NPAS3: variants seen among roughly 807,000 people sequenced by gnomAD.
NPAS3 encodes the protein neuronal PAS domain protein 3, also known as neuronal PAS domain-containing protein 3.
Under a neutral mutation model 73.1 loss-of-function variants are expected in NPAS3, and 14 were observed. The observed-to-expected ratio is 0.19, with a 90% CI of 0.13 to 0.30. The LOEUF (loss-of-function observed/expected upper bound fraction) is 0.30. Ranked by LOEUF, NPAS3 falls within the 10% of genes least tolerant of loss-of-function variation. The pLI is 1.00. For missense variants in NPAS3, 1,096 were observed against 1,250.0 expected (o/e 0.88, Z 1.86); for synonymous variants, 620 against 541.5 (o/e 1.14, Z -2.01).
rs200956082 is a variant in NPAS3, at chr14:33,010,954, A to G, written c.51-44951A>G. On this transcript the variant is annotated intron_variant, in intron 1 of 11. Coordinates refer to ENST00000356141, the Ensembl canonical transcript of NPAS3. ...AACCTGTCTCAAAAAAAAAAAAAAA[A>G]AGAAAAGAAAAACATTGACATAAAT... 1.2e-3 allele frequency among the ~76,000 whole-genome samples: 110 copies of G among 94,646 alleles called. 5 individuals are homozygous for G. The East Asian group carries it at 0.025, about 21-fold the overall frequency. 62.1% of individuals were successfully genotyped at this position (94,646 alleles called of 152,430 possible).
intron 2 of NPAS3, among the ~76,000 whole-genome samples, chr14:33,197,667 C>A (rs1204527470): frequency 2.0e-5 from 3 of 152,232 alleles, no homozygotes; most frequent in African/African-American, 7.2e-5. Flanking sequence ...TTCCAAAACT[C>A]TTTTGCAAAC....
intron 2 of NPAS3, among the ~76,000 whole-genome samples, chr14:33,156,132 C>A (rs890395525): frequency 6.6e-6 from 1 of 151,858 alleles, no homozygotes; most frequent in Non-Finnish European, 1.5e-5. Flanking sequence ...GGTGTAGAAT[C>A]AAAAAACAAC....
At chr14:33,627,455 A>G (rs1172348187) in intron 5 of NPAS3, among the ~76,000 whole-genome samples, 1 of 152,202 alleles carries the variant, frequency 6.6e-6, no homozygotes, top group Non-Finnish European at 1.5e-5. Flanking sequence ...TTTAAGTTCT[A>G]TCAGTGATCT....
intron 5 of NPAS3, among the ~76,000 whole-genome samples, chr14:33,568,993 G>A (rs1223670267): frequency 6.6e-6 from 1 of 152,138 alleles, no homozygotes; most frequent in African/African-American, 2.4e-5. Flanking sequence ...GCATTTTTGT[G>A]TGAATATGTG....
chr14:33,540,651 C>T (rs1316258263), intron 4 of NPAS3, among the ~76,000 whole-genome samples: 2 of 152,066 alleles, frequency 1.3e-5, no homozygotes, highest in African/African-American at 4.8e-5. Flanking sequence ...AAAGAATGGG[C>T]ATGACAAGAG....
chr14:33,192,037 T>G (rs1222588777), intron 2 of NPAS3, among the ~76,000 whole-genome samples: 1 of 152,182 alleles, frequency 6.6e-6, no homozygotes, highest in East Asian at 1.9e-4. Flanking sequence ...TTCCACATCC[T>G]TTCTTCCCAG....
At chr14:33,207,888 C>T (rs941149917) in intron 2 of NPAS3, among the ~76,000 whole-genome samples, 7 of 152,110 alleles carry the variant, frequency 4.6e-5, no homozygotes, top group Admixed American at 2.0e-4. Context: ...TCTGTTCTGG[C>T]GGGCTTTTCT....
Position 33,121,138 on chromosome 14 carries a change from T to C in NPAS3, c.140+65144T>C, listed in dbSNP as rs539519027. Among the ~76,000 whole-genome samples, 6 of 152,242 alleles carry C rather than the reference T, an allele frequency of 3.9e-5. No individual in the cohort carries two copies. In the South Asian group the frequency reaches 1.2e-3, roughly 32 times the overall value. ...CTGACCCAAAATCAAGTCTGTCTTA[T>C]GCACACTGACCCAAAATCATACCAA... On this transcript the variant is annotated intron_variant, in intron 2 of 11. Transcript: ENST00000356141.
chr14:33,140,360 A>G (rs1213347515), intron 2 of NPAS3, among the ~76,000 whole-genome samples: 1 of 152,018 alleles, frequency 6.6e-6, no homozygotes, highest in East Asian at 1.9e-4. Flanking sequence ...AGTAGGGAAA[A>G]GAACACAGAA....
chr14:33,536,085 A>G (rs2054249816), intron 4 of NPAS3, among the ~76,000 whole-genome samples: 1 of 152,174 alleles, frequency 6.6e-6, no homozygotes, highest in Non-Finnish European at 1.5e-5. Context: ...ACTAGTGCTA[A>G]TAAGAGTTTG....
intron 2 of NPAS3, among the ~76,000 whole-genome samples, chr14:33,080,979 GGGAAGTAGGTTA>G (rs1467513954): frequency 1.3e-5 from 2 of 152,106 alleles, no homozygotes; most frequent in African/African-American, 4.8e-5. Flanking sequence ...AGTGTTATTT[GGGAAGTAGGTTA>G]GGTGATTTGG....
chr14:33,588,866 C>A (rs1037407373), intron 5 of NPAS3, among the ~76,000 whole-genome samples: 3 of 152,144 alleles, frequency 2.0e-5, no homozygotes, highest in African/African-American at 7.2e-5. Flanking sequence ...ATCTACCGGC[C>A]CACCTCAGCC....
intron 7 of NPAS3, 96 bp from the exon 8 acceptor site, chr14:33,774,241 G>C: frequency 1.1e-6 from 1 of 897,652 alleles, no homozygotes; most frequent in Non-Finnish European, 1.7e-6. Context: ...GCTAATGTTG[G>C]TTGTTCCAGA....
chr14:33,067,287 A>C (rs980267328), intron 2 of NPAS3, among the ~76,000 whole-genome samples: 2 of 152,226 alleles, frequency 1.3e-5, no homozygotes, highest in African/African-American at 4.8e-5. Context: ...AGCCATGCCC[A>C]TAGAAAAATT....
intron 4 of NPAS3, among the ~76,000 whole-genome samples, chr14:33,414,541 A>T (rs2048069042): frequency 6.6e-6 from 1 of 152,118 alleles, no homozygotes; most frequent in Admixed American, 6.6e-5. Flanking sequence ...TTTGCCCATT[A>T]CTGATAAGTT....
At chr14:33,671,768 T>C (rs7145960) in intron 5 of NPAS3, among the ~76,000 whole-genome samples, 2,739 of 152,296 alleles carry the variant, frequency 0.018, 94 homozygotes, top group African/African-American at 0.062. Context: ...GAAACAGTCA[T>C]GCTTCCTCCT....
At chr14:33,631,373 A>G (rs2058372319) in intron 5 of NPAS3, among the ~76,000 whole-genome samples, 1 of 152,224 alleles carries the variant, frequency 6.6e-6, no homozygotes. Flanking sequence ...AAATACAGCA[A>G]TGGGATGAAT....
intron 4 of NPAS3, among the ~76,000 whole-genome samples, chr14:33,434,850 G>A (rs1006537124): frequency 2.6e-5 from 4 of 152,142 alleles, no homozygotes; most frequent in African/African-American, 9.7e-5. Context: ...ATATTCTTCA[G>A]TAGATGATGC....
chr14:33,431,972 C>G (rs2048802372), intron 4 of NPAS3, among the ~76,000 whole-genome samples: 1 of 152,040 alleles, frequency 6.6e-6, no homozygotes, highest in East Asian at 1.9e-4. Flanking sequence ...TAGTATTACT[C>G]ATATATAATA....
Sources: allele counts gnomAD v4.1 joint callset (sites outside exome capture counted in the v4.1 genomes callset), GRCh38; gene constraint gnomAD v4.1.1; transcripts MANE v1.5; gene names NCBI Gene and HGNC (gene_info 2026-07-23, HGNC 2026-07-21).